The following PARD3B variants were observed in gnomAD, a reference collection of about 807,000 sequenced individuals.
PARD3B encodes the protein par-3 family cell polarity regulator beta.
In PARD3B, 103 loss-of-function variants were observed where a neutral mutation model predicts 130.2. The ratio of observed to expected loss-of-function variants is 0.79; its 90% CI spans 0.67 to 0.93. The LOEUF (loss-of-function observed/expected upper bound fraction) is 0.93. Ranked by LOEUF, PARD3B falls within the 40% of genes least tolerant of loss-of-function variation. The probability of loss-of-function intolerance (pLI) is 0.00; values close to 1 mark genes in which losing one functional copy is unlikely to be tolerated. For missense variants in PARD3B, 1,609 were observed against 1,499.2 expected, an observed-to-expected ratio of 1.07 and a Z score of -1.21; for synonymous variants, 583 against 553.2, an observed-to-expected ratio of 1.05 and a Z score of -0.76.
intron 13 of PARD3B, among the ~76,000 whole-genome samples, chr2:205,181,286 C>T (rs918727407): frequency 3.9e-5 from 6 of 152,314 alleles, no homozygotes; most frequent in Middle Eastern, 3.4e-3. Context: ...GTATCTACCC[C>T]TCTATAGCAT....
chr2:205,110,501 C>A (rs1218073733), intron 5 of PARD3B, among the ~76,000 whole-genome samples: 1 of 152,074 alleles, frequency 6.6e-6, no homozygotes, highest in African/African-American at 2.4e-5. Context: ...TTGTAACTAT[C>A]TGCTTGTTTT....
intron 21 of PARD3B, among the ~76,000 whole-genome samples, chr2:205,541,679 G>GT (rs1430098929): frequency 1.3e-5 from 2 of 151,678 alleles, no homozygotes; most frequent in Admixed American, 6.6e-5. Context: ...TTATCCACCT[G>GT]TTTTTTTCCC....
At chr2:205,571,907 G>A (rs1185655474) in intron 22 of PARD3B, among the ~76,000 whole-genome samples, 1 of 152,190 alleles carries the variant, frequency 6.6e-6, no homozygotes, top group Non-Finnish European at 1.5e-5. Context: ...AGGGAATCTG[G>A]CTGAAGCTGG....
At chr2:204,642,719 C>A (rs2035120297) in intron 1 of PARD3B, among the ~76,000 whole-genome samples, 1 of 151,898 alleles carries the variant, frequency 6.6e-6, no homozygotes, top group East Asian at 1.9e-4. Context: ...TTGTAATTTC[C>A]AGTGTTGGAG....
In PARD3B at chr2:204,806,868, G is replaced by T. The variant is rs759735297; in HGVS notation, c.222+120586G>T. ...TCATTTCTAAAAAGACATACAAATGGTAAACAGCTATGTAAAAATGTGCTC... is the reference window on the plus strand; with the variant it reads ...TCATTTCTAAAAAGACATACAAATGTTAAACAGCTATGTAAAAATGTGCTC... On this transcript the variant is annotated intron_variant, in intron 2 of 22. Transcript: ENST00000406610. Among the ~76,000 whole-genome samples, 20 of 152,134 alleles carry T rather than the reference G, an allele frequency of 1.3e-4. 1 individual carries two copies. Among genetic ancestry groups the T allele is most frequent in the Non-Finnish European group, 2.4e-4 (16 of 68,016 alleles).
chr2:204,717,046 A>G (rs1314032272), intron 2 of PARD3B, among the ~76,000 whole-genome samples: 2 of 152,130 alleles, frequency 1.3e-5, no homozygotes, highest in African/African-American at 2.4e-5. Flanking sequence ...TCATCCATTC[A>G]TATTTCCCTT....
At chr2:204,679,909 G>A (rs915265522) in intron 1 of PARD3B, among the ~76,000 whole-genome samples, 2 of 151,808 alleles carry the variant, frequency 1.3e-5, no homozygotes, top group African/African-American at 4.8e-5. Flanking sequence ...TGGTTATCAT[G>A]TATTATTCCT....
intron 22 of PARD3B, among the ~76,000 whole-genome samples, chr2:205,581,417 A>AAATATATAAATATATATG (rs2053981185): frequency 1.2e-5 from 1 of 86,520 alleles, no homozygotes. Flanking sequence ...AAGTATATAT[A>AAATATATAAATATATATG]AATATATAAA....
chr2:204,715,534 G>A (rs1488594214), intron 2 of PARD3B, among the ~76,000 whole-genome samples: 1 of 150,220 alleles, frequency 6.7e-6, no homozygotes, highest in Non-Finnish European at 1.5e-5. Context: ...AGTGTTTCTG[G>A]CACTTGATCA....
At position 205,244,970 on chromosome 2, in the gene PARD3B, AT is replaced by A. The variant is rs939333123; in HGVS notation, c.2141-804del. The stretch of plus-strand genomic sequence containing the variant: ...TGGTTCTTTGCCAACTCTTGGGTTA[AT>A]TTTCTTACACACATATGATCATCAG... On this transcript the variant is annotated intron_variant, in intron 15 of 22. Transcript: ENST00000406610. This position sits in a 1 kb window ranked among gnomAD's most constrained non-coding sequence, Gnocchi z 4.7. Among the ~76,000 whole-genome samples, 2 of 152,146 alleles carry A rather than the reference AT, an allele frequency of 1.3e-5. No individual in the cohort carries two copies. Among genetic ancestry groups the A allele is most frequent in the African/African-American group, 4.8e-5 (2 of 41,422 alleles).
At chr2:204,712,992 A>G (rs1407894207) in intron 2 of PARD3B, among the ~76,000 whole-genome samples, 1 of 151,964 alleles carries the variant, frequency 6.6e-6, no homozygotes, top group Admixed American at 6.6e-5. Flanking sequence ...TTATTTTTGG[A>G]TTCATCCACA....
intron 20 of PARD3B, among the ~76,000 whole-genome samples, chr2:205,441,591 C>T (rs6435284): frequency 0.26 from 38,853 of 152,074 alleles, 8,523 homozygotes; most frequent in African/African-American, 0.6. Flanking sequence ...TTCTTAGGGT[C>T]CTGACAACCA....
intron 2 of PARD3B, among the ~76,000 whole-genome samples, chr2:204,688,580 A>T (rs868806599): frequency 0.012 from 1,571 of 135,378 alleles, 26 homozygotes; most frequent in African/African-American, 0.047. Flanking sequence ...ACTCCATCTA[A>T]AAAAAAAAAA....
At chr2:204,720,054 C>G (rs2038923416) in intron 2 of PARD3B, among the ~76,000 whole-genome samples, 1 of 137,918 alleles carries the variant, frequency 7.3e-6, no homozygotes, top group South Asian at 2.2e-4. Context: ...ACATTGCTGT[C>G]TTTATGGCAT....
rs1364371526 is a variant in PARD3B at position 205,325,983 on chromosome 2, T to C, written c.2630+24282T>C. 6.6e-6 allele frequency among the ~76,000 whole-genome samples: 1 copy of C among 152,170 alleles called. No individual in the cohort carries two copies. Among genetic ancestry groups the C allele is most frequent in the Non-Finnish European group, 1.5e-5 (1 of 68,028 alleles). On this transcript the variant is annotated intron_variant, in intron 18 of 22. Transcript: ENST00000406610. This position sits in a 1 kb window ranked among gnomAD's most constrained non-coding sequence, Gnocchi z 4.1. ...ATATCATGTACTGTTTTATCAAGCT[T>C]TAAATCTGAGGAAATGGAATCTGTG...
chr2:204,805,974 G>T lies in PARD3B; in HGVS notation c.222+119692G>T, dbSNP rs2042753287. ...TACTATCATATTATGAAACATTGAT[G>T]TGAGAAATTGAAGAGGACACAAAAA... On this transcript the variant is annotated intron_variant, in intron 2 of 22. Coordinates refer to ENST00000406610, the MANE Select transcript of PARD3B (RefSeq NM_001302769.2). 2.0e-5 allele frequency among the ~76,000 whole-genome samples: 3 copies of T among 151,914 alleles called. No individual in the cohort carries two copies. The South Asian group carries it at 6.2e-4, about 31-fold the overall frequency.
intron 21 of PARD3B, among the ~76,000 whole-genome samples, chr2:205,513,138 G>C (rs1297824779): frequency 2.0e-5 from 3 of 152,004 alleles, no homozygotes; most frequent in Non-Finnish European, 2.9e-5. Flanking sequence ...TCTCATTTCA[G>C]AGGAGGAAAT....
At chr2:204,787,761 G>A (rs2042061401) in intron 2 of PARD3B, among the ~76,000 whole-genome samples, 1 of 152,188 alleles carries the variant, frequency 6.6e-6, no homozygotes, top group South Asian at 2.1e-4. Flanking sequence ...AAAGGAAAAT[G>A]ACTTTAAGCT....
At chr2:205,184,547 C>T (rs1389525547) in intron 13 of PARD3B, among the ~76,000 whole-genome samples, 1 of 152,018 alleles carries the variant, frequency 6.6e-6, no homozygotes, top group Non-Finnish European at 1.5e-5. Context: ...TCAAGACCAT[C>T]CTGGCTAACA....
Sources: gnomAD v4.1 joint callset for allele counts (sites outside exome capture counted in the v4.1 genomes callset) on GRCh38, gnomAD v4.1.1 for gene constraint, Gnocchi (gnomAD v3.1) non-coding constraint, MANE v1.5 for transcripts, NCBI Gene and HGNC (gene_info 2026-07-23, HGNC 2026-07-21) for gene names.